The following NUCB1 variants were observed in gnomAD, a reference collection of about 807,000 sequenced individuals.
NUCB1 encodes the protein nucleobindin-1.
A neutral mutation model predicts 61.2 loss-of-function variants in NUCB1; 47 were observed. That is an observed-to-expected ratio of 0.77 (90% confidence interval 0.61 to 0.98). NUCB1 has a LOEUF of 0.98. Ranked by LOEUF, NUCB1 falls within the 50% of genes least tolerant of loss-of-function variation. The probability of loss-of-function intolerance (pLI) is 0.00; values close to 1 mark genes in which losing one functional copy is unlikely to be tolerated. For synonymous variants in NUCB1, 234 were observed against 243.1 expected, an observed-to-expected ratio of 0.96 and a Z score of 0.35; for missense variants, 583 against 605.3, an observed-to-expected ratio of 0.96 and a Z score of 0.39.
chr19:48,922,120 C>A (rs533961278), intron 12 of NUCB1, among the ~76,000 whole-genome samples, 188 bp downstream of exon 12: 2 of 146,528 alleles, frequency 1.4e-5, no homozygotes, highest in Non-Finnish European at 3.0e-5. Flanking sequence ...GGGGCTGGGA[C>A]CCCTGGGTGT....
Position 48,911,202 on chromosome 19 carries a change from C to G in NUCB1, c.430C>G (p.Gln144Glu). The G allele has an allele frequency of 1.2e-6, 2 of 1,613,926 alleles. No individual in the cohort carries two copies. The highest frequency in any genetic ancestry group is 1.7e-6 in the Non-Finnish European group (2 of 1,179,916). The change falls in exon 5 of 13, where the codon CAG becomes GAG. Residue 144 changes from glutamine to glutamate, a missense_variant. Gln to Glu is a conservative substitution (Grantham distance 29). Transcript: ENST00000405315. The part of the protein sequence containing the change: ...LLKQFEHLDP[Q>E]NQHTFEARDL... ...GAAACAGTTTGAACACCTGGACCCT[C>G]AGAACCAGCATACATTCGAGGCCCG...
At chr19:48,920,614 C>A (rs994650585) in intron 10 of NUCB1, among the ~76,000 whole-genome samples, 1 of 152,102 alleles carries the variant, frequency 6.6e-6, no homozygotes, top group Non-Finnish European at 1.5e-5. Context: ...ACCTCCACCT[C>A]CCAGGTTCAA....
intron 6 of NUCB1, 121 bp downstream of exon 6, chr19:48,913,317 G>T: frequency 8.2e-7 from 1 of 1,225,612 alleles, no homozygotes; most frequent in Admixed American, 2.4e-5. Context: ...CCCTGTTACT[G>T]TACCTGGCTG....
rs2037611297 is a variant in NUCB1 at position 48,921,703 on chromosome 19, G to T, written c.1174-124G>T. The T allele has an allele frequency of 7.0e-6, 6 of 858,396 alleles. No homozygotes were observed. The South Asian group carries it at 8.0e-5, about 12-fold the overall frequency. 53.2% of individuals were successfully genotyped at this position (858,396 alleles called of 1,614,324 possible). A position where few individuals can be genotyped will look rare whatever the true frequency, so the allele number is the denominator to read the frequency against. ...TGAAAGAGAGAAACTGAGGCCCACG[G>T]AGAAGGGGTTGGCCGTGACCACTTA... On this transcript the variant is annotated intron_variant, in intron 11 of 12. Transcript: ENST00000405315.
rs1409661255 is a variant in NUCB1, at chr19:48,913,424, C to T, written c.667-50C>T. ...GGTAAAGGGATATTTGGTTTTATCC[C>T]ATGGCATCCAGACTTCTTGCTCATG... On this transcript the variant is annotated intron_variant, in intron 6 of 12. Coordinates refer to ENST00000405315, the MANE Select transcript of NUCB1 (RefSeq NM_006184.6). 3.3e-6 allele frequency: 5 copies of T among 1,512,240 alleles called. No homozygotes were observed. In the South Asian group the frequency reaches 4.5e-5, roughly 14 times the overall value. The allele number at this position is 1,512,240 out of a possible 1,614,324, so 93.7% of individuals were successfully genotyped here. A position where few individuals can be genotyped will look rare whatever the true frequency, so the allele number is the denominator to read the frequency against.
At chr19:48,908,574 C>T (rs1230704776) in intron 4 of NUCB1, among the ~76,000 whole-genome samples, 1 of 152,072 alleles carries the variant, frequency 6.6e-6, no homozygotes, top group Admixed American at 6.6e-5. Flanking sequence ...TCCTGCACAC[C>T]TGTCACTCCT....
In NUCB1 at chr19:48,922,486, G is replaced by A; in HGVS notation, c.*62G>A. On this transcript the variant is annotated 3_prime_UTR_variant, in exon 13 of 13. Transcript: ENST00000405315. ...CCAAGGCGACTGATGGGCGCTGGAT[G>A]AAGTGGCACAGTCAGCTTCCCTGGG... is the stretch of plus-strand genomic sequence containing the variant. The A allele has an allele frequency of 7.2e-7, 1 of 1,383,284 alleles. No individual in the cohort carries two copies. Among genetic ancestry groups the A allele is most frequent in the Non-Finnish European group, 1.0e-6 (1 of 974,344 alleles). 85.7% of individuals were successfully genotyped at this position (1,383,284 alleles called of 1,614,324 possible). A position where few individuals can be genotyped will look rare whatever the true frequency, so the allele number is the denominator to read the frequency against.
At chr19:48,908,347 C>T (rs1052355923) in intron 4 of NUCB1, among the ~76,000 whole-genome samples, 3 of 152,100 alleles carry the variant, frequency 2.0e-5, no homozygotes. Context: ...CCAGGCTGGT[C>T]TCAAACTCCT....
rs2037495018 is a variant in NUCB1, at chr19:48,913,044, C to T, written c.514C>T (p.His172Tyr). 6.2e-7 allele frequency: 1 copy of T among 1,613,224 alleles called. No homozygotes were observed. The change falls in exon 6 of 13, where the codon CAT (histidine) becomes TAT (tyrosine). Residue 172 changes from histidine (H) to tyrosine (Y), a missense_variant. Transcript: ENST00000405315. ...TRDLAQYDAA[H>Y]HEEFKRYEML... ...GGACCTTGCCCAGTACGACGCAGCC[C>T]ATCATGAAGAGTTCAAGCGCTACGA...
chr19:48,908,482 CG>C (rs2037435246), intron 4 of NUCB1, among the ~76,000 whole-genome samples: 2 of 152,124 alleles, frequency 1.3e-5, no homozygotes, highest in African/African-American at 4.8e-5. Context: ...CCATAGCGGC[CG>C]GCGCTGGGTC....
At chr19:48,913,232 A>C (rs1289649723) in intron 6 of NUCB1, 36 bp downstream of exon 6, 1 of 1,571,076 alleles carries the variant, frequency 6.4e-7, no homozygotes, top group African/African-American at 1.4e-5. Flanking sequence ...ACTCCCTACC[A>C]CATCCAGTTC....
rs574167329 is a variant in NUCB1 at position 48,913,182 on chromosome 19, A to G, written c.652A>G (p.Lys218Glu). Residue 218 changes from lysine to glutamate, a missense_variant, in exon 6 of 13, where the codon AAA (lysine) becomes GAA (glutamate). Lys to Glu is a moderately conservative substitution (Grantham distance 56). Coordinates refer to ENST00000405315, the MANE Select transcript of NUCB1 (RefSeq NM_006184.6). ...EQQRRHREHP[K>E]VNVPGSQAQL... The stretch of plus-strand genomic sequence containing the variant: ...ACAGCGCCGGCACCGCGAGCACCCT[A>G]AAGTCAACGTGCCTGTGAGGACCCC... The G allele has an allele frequency of 3.8e-5, 61 of 1,612,706 alleles. No homozygotes were observed. The South Asian group carries it at 6.3e-4, about 17-fold the overall frequency.
At position 48,905,736 on chromosome 19, in the gene NUCB1, G is replaced by C. The variant is rs759993248; in HGVS notation, c.244-17G>C. On this transcript the variant is annotated splice_polypyrimidine_tract_variant and intron_variant, in intron 3 of 12. Coordinates refer to ENST00000405315, the MANE Select transcript of NUCB1 (RefSeq NM_006184.6). ...AGAGCAGGCCCCCAGGCTGACCAGG[G>C]TCTCCTCTCCTGTCAGAGCGGGAAG... The C allele has an allele frequency of 6.2e-7, 1 of 1,613,910 alleles. No homozygotes were observed. The highest frequency in any genetic ancestry group is 8.5e-7 in the Non-Finnish European group (1 of 1,179,992).
At chr19:48,915,772 G>T (rs2037532460) in intron 7 of NUCB1, among the ~76,000 whole-genome samples, 1 of 151,360 alleles carries the variant, frequency 6.6e-6, no homozygotes, top group African/African-American at 2.4e-5. Flanking sequence ...AAGTGCTGGG[G>T]TTACAAGCAT....
intron 2 of NUCB1, 171 bp downstream of exon 2, chr19:48,901,102 T>A (rs2037349895): frequency 1.3e-6 from 1 of 751,538 alleles, no homozygotes. Flanking sequence ...GGTGAAAAAC[T>A]GGAGGTCCCT....
rs142900130 is a variant in NUCB1 at position 48,901,641 on chromosome 19, A to T, written c.135+710A>T. ...TAGCTGGGCGTGGTGGCTCACGCCTATAATCCCAGCTACTCTGGGAGGCTG... is the reference window on the plus strand; with the variant it reads ...TAGCTGGGCGTGGTGGCTCACGCCTTTAATCCCAGCTACTCTGGGAGGCTG... On this transcript the variant is annotated intron_variant, in intron 2 of 12. Coordinates refer to ENST00000405315, the MANE Select transcript of NUCB1 (RefSeq NM_006184.6). Among the ~76,000 whole-genome samples, 1,049 of 152,326 alleles carry T rather than the reference A, an allele frequency of 6.9e-3. 17 individuals are homozygous for T. The highest frequency in any genetic ancestry group is 0.024 in the African/African-American group (1,008 of 41,574).
chr19:48,912,377 G>T (rs8103382), intron 5 of NUCB1, among the ~76,000 whole-genome samples: 29,237 of 151,864 alleles, frequency 0.19, 3,700 homozygotes, highest in African/African-American at 0.36. Flanking sequence ...TAAATACTAA[G>T]TTCACCACAT....
At position 48,913,205 on chromosome 19, in the gene NUCB1, C is replaced by T. The variant is rs1568586482; in HGVS notation, c.666+9C>T. 4 of 1,602,470 alleles carry T rather than the reference C, an allele frequency of 2.5e-6. No individual in the cohort carries two copies. The highest frequency in any genetic ancestry group is 3.4e-6 in the Non-Finnish European group (4 of 1,174,768). ...CTAAAGTCAACGTGCCTGTGAGGAC[C>T]CCATTTGTGCCCATCCACTCCCTAC... is the stretch of plus-strand genomic sequence containing the variant. On this transcript the variant is annotated intron_variant, in intron 6 of 12. Coordinates refer to ENST00000405315, the MANE Select transcript of NUCB1 (RefSeq NM_006184.6).
At chr19:48,915,034 C>T (rs913392249) in intron 7 of NUCB1, among the ~76,000 whole-genome samples, 6 of 151,760 alleles carry the variant, frequency 4.0e-5, no homozygotes, top group African/African-American at 7.3e-5. Flanking sequence ...GAGCCAAGAT[C>T]GTGCCATTGC....
Sources: gnomAD v4.1 joint callset for allele counts (sites outside exome capture counted in the v4.1 genomes callset) on GRCh38, gnomAD v4.1.1 for gene constraint, MANE v1.5 for transcripts, NCBI Gene and HGNC (gene_info 2026-07-23, HGNC 2026-07-21) for gene names.